The following TNKS variants were observed in gnomAD, a reference collection of about 807,000 sequenced individuals.
The protein encoded by TNKS is poly [ADP-ribose] polymerase tankyrase-1.
TNKS carries 72 observed loss-of-function variants against 135.8 expected under a neutral mutation model. That is an observed-to-expected ratio of 0.53 (90% CI 0.44 to 0.64). TNKS has a LOEUF of 0.64. Among genes scored for constraint, TNKS ranks in the 30% least tolerant of loss-of-function variants. TNKS has a pLI of 0.00. For synonymous variants in TNKS, 849 were observed against 649.3 expected, an observed-to-expected ratio of 1.31 and a Z score of -4.68; for missense variants, 1,769 against 1,674.0, an observed-to-expected ratio of 1.06 and a Z score of -0.99.
At chr8:9,654,919 C>T (rs761256206) in intron 3 of TNKS, among the ~76,000 whole-genome samples, 1 of 152,200 alleles carries the variant, frequency 6.6e-6, no homozygotes, top group Non-Finnish European at 1.5e-5. Flanking sequence ...GGGTGCAACG[C>T]ACCATGCGTG....
chr8:9,731,429 C>T (rs1024063090), intron 14 of TNKS, among the ~76,000 whole-genome samples: 3 of 138,326 alleles, frequency 2.2e-5, no homozygotes, highest in South Asian at 2.3e-4. Flanking sequence ...CATTGCACTC[C>T]AGCTTGGGCA....
At chr8:9,687,251 G>C (rs1394825064) in intron 5 of TNKS, among the ~76,000 whole-genome samples, 1 of 152,100 alleles carries the variant, frequency 6.6e-6, no homozygotes, top group Non-Finnish European at 1.5e-5. Context: ...GGGATTACAA[G>C]AAGGTCAAAA....
chr8:9,610,288 A>G lies in TNKS; in HGVS notation c.899-5294A>G, dbSNP rs535984564. ...GGATGAAAAGATAAAAGAGTTTTTAAAAAATCTATAATATATATATACTGT... is the reference window on the plus strand; with the variant it reads ...GGATGAAAAGATAAAAGAGTTTTTAGAAAATCTATAATATATATATACTGT... On this transcript the variant is annotated intron_variant, in intron 2 of 26. Transcript: ENST00000310430. Among the ~76,000 whole-genome samples, 233 of 139,346 alleles carry G rather than the reference A, an allele frequency of 1.7e-3. 1 individual carries two copies. Among genetic ancestry groups the G allele is most frequent in the African/African-American group, 6.2e-3 (229 of 36,738 alleles). 91.4% of individuals were successfully genotyped at this position (139,346 alleles called of 152,430 possible).
At chr8:9,586,248 A>G (rs986202233) in intron 2 of TNKS, among the ~76,000 whole-genome samples, 3 of 152,178 alleles carry the variant, frequency 2.0e-5, no homozygotes, top group Non-Finnish European at 4.4e-5. Flanking sequence ...CTCTAAGCAA[A>G]TTGGCTTCTT....
intron 5 of TNKS, among the ~76,000 whole-genome samples, chr8:9,691,938 C>G (rs1004472461): frequency 2.0e-5 from 3 of 152,164 alleles, no homozygotes; most frequent in Admixed American, 1.3e-4. Flanking sequence ...CACACTCCAG[C>G]TAATGAATTA....
intron 11 of TNKS, among the ~76,000 whole-genome samples, chr8:9,713,634 G>A (rs2128810236): frequency 6.6e-6 from 1 of 152,250 alleles, no homozygotes; most frequent in Non-Finnish European, 1.5e-5. Context: ...ACGCTTGCTA[G>A]TAGGCACTTA....
intron 13 of TNKS, among the ~76,000 whole-genome samples, chr8:9,730,429 A>C (rs1303939822): frequency 6.6e-6 from 1 of 152,196 alleles, no homozygotes; most frequent in Non-Finnish European, 1.5e-5. Context: ...GCCCAGGCAG[A>C]AAAATAATTC....
At position 9,707,015 on chromosome 8, in the gene TNKS, G is replaced by A. The variant is rs377451186; in HGVS notation, c.1456+18G>A. ...ATTGACTTGTACGTATTTATATCCC[G>A]AAATCATTATCGCATAAATTGGAAT... On this transcript the variant is annotated intron_variant, in intron 8 of 26. Coordinates refer to ENST00000310430, the MANE Select transcript of TNKS (RefSeq NM_003747.3). The A allele has an allele frequency of 9.2e-5, 141 of 1,536,056 alleles. No homozygotes were observed. Among genetic ancestry groups the A allele is most frequent in the Non-Finnish European group, 8.9e-5 (101 of 1,140,784 alleles).
intron 3 of TNKS, among the ~76,000 whole-genome samples, chr8:9,668,010 A>G (rs1585304130): frequency 6.6e-6 from 1 of 152,156 alleles, no homozygotes; most frequent in South Asian, 2.1e-4. Context: ...TGGAGTTTAG[A>G]GCTAGCATGC....
intron 2 of TNKS, among the ~76,000 whole-genome samples, chr8:9,586,753 GTGTGTGTGTA>G (rs1000768421): frequency 3.4e-5 from 5 of 146,958 alleles, no homozygotes; most frequent in African/African-American, 1.3e-4. Context: ...GTGTGTGTGT[GTGTGTGTGTA>G]TGAAGTTAGG....
chr8:9,624,073 C>T (rs536690038), intron 3 of TNKS, among the ~76,000 whole-genome samples: 7 of 152,204 alleles, frequency 4.6e-5, no homozygotes, highest in Admixed American at 1.3e-4. Flanking sequence ...GATAATCTCA[C>T]CACTCTAGTA....
rs1264136652 is a variant in TNKS at position 9,654,427 on chromosome 8, G to C, written c.995-25524G>C. Among the ~76,000 whole-genome samples, 3 of 152,118 alleles carry C rather than the reference G, an allele frequency of 2.0e-5. No individual in the cohort carries two copies. The East Asian group carries it at 5.8e-4, about 29-fold the overall frequency. On this transcript the variant is annotated intron_variant, in intron 3 of 26. Coordinates refer to ENST00000310430, the MANE Select transcript of TNKS (RefSeq NM_003747.3). Reference sequence around the variant, plus strand: ...ATTAAATTTTAATACCTTTGCAACTGAAAGGAGATATAAATGAGGATATTC... The same window carrying C: ...ATTAAATTTTAATACCTTTGCAACTCAAAGGAGATATAAATGAGGATATTC...
At chr8:9,612,722 C>T (rs1799507467) in intron 2 of TNKS, among the ~76,000 whole-genome samples, 1 of 151,996 alleles carries the variant, frequency 6.6e-6, no homozygotes, top group Non-Finnish European at 1.5e-5. Flanking sequence ...GGATGAGGAC[C>T]CTTGAACAAT....
chr8:9,765,875 T>C, intron 24 of TNKS, 78 bp downstream of exon 24: 1 of 1,177,746 alleles, frequency 8.5e-7, no homozygotes, highest in South Asian at 1.3e-5. Flanking sequence ...CTACGTTAAA[T>C]TGACTATAAT....
intron 3 of TNKS, 65 bp from the exon 4 acceptor site, chr8:9,679,886 C>T: frequency 7.9e-7 from 1 of 1,264,216 alleles, no homozygotes; most frequent in South Asian, 1.2e-5. Flanking sequence ...CTATTTGCTG[C>T]CTACTGCATT....
intron 3 of TNKS, among the ~76,000 whole-genome samples, chr8:9,644,437 T>A (rs1036816517): frequency 2.0e-5 from 3 of 152,244 alleles, no homozygotes; most frequent in Non-Finnish European, 4.4e-5. Flanking sequence ...GATATTTGCA[T>A]GCTGCTACTT....
intron 14 of TNKS, among the ~76,000 whole-genome samples, chr8:9,731,460 C>CAAAAAAAAAAAAAAAAAAAAAAAAA (rs36213271): frequency 3.0e-5 from 2 of 67,508 alleles, no homozygotes; most frequent in African/African-American, 5.3e-5. Flanking sequence ...AATTCCATCT[C>CAAAAAAAAAAAAAAAAAAAAAAAAA]AAAAAAAAAA....
intron 25 of TNKS, among the ~76,000 whole-genome samples, chr8:9,766,684 C>T (rs907020975): frequency 1.3e-5 from 2 of 152,002 alleles, no homozygotes; most frequent in African/African-American, 4.8e-5. Context: ...TGGGGTTTTG[C>T]CATGTTGGCC....
intron 2 of TNKS, among the ~76,000 whole-genome samples, chr8:9,601,901 T>C (rs566649715): frequency 6.6e-6 from 1 of 152,314 alleles, no homozygotes; most frequent in African/African-American, 2.4e-5. Context: ...TGAAATATAA[T>C]GCAGTAGCCC....
Sources: allele counts gnomAD v4.1 joint callset (sites outside exome capture counted in the v4.1 genomes callset), GRCh38; gene constraint gnomAD v4.1.1; transcripts MANE v1.5; gene names NCBI Gene and HGNC (gene_info 2026-07-23, HGNC 2026-07-21).